The following PHF11 variants were observed in gnomAD, a reference collection of about 807,000 sequenced individuals.
PHF11 encodes PHD finger protein 11.
In PHF11, 38 loss-of-function variants were observed where a neutral mutation model predicts 40.5. That is an observed-to-expected ratio of 0.94 (90% CI 0.72 to 1.23). The LOEUF (loss-of-function observed/expected upper bound fraction) is 1.23, where lower values mean the gene tolerates loss of function less well. Among genes scored for constraint, PHF11 ranks in the 50% most tolerant of loss-of-function variants. The probability of loss-of-function intolerance (pLI) is 0.00; values close to 1 mark genes in which losing one functional copy is unlikely to be tolerated. For missense variants in PHF11, 369 were observed against 392.4 expected, an observed-to-expected ratio of 0.94 and a Z score of 0.50; for synonymous variants, 127 against 138.2, an observed-to-expected ratio of 0.92 and a Z score of 0.57.
intron 4 of PHF11, among the ~76,000 whole-genome samples, chr13:49,520,464 G>A (rs372602658): frequency 6.6e-6 from 1 of 152,090 alleles, no homozygotes; most frequent in Admixed American, 6.5e-5. Flanking sequence ...TGTTTTCATC[G>A]AAAATGACTT....
intron 6 of PHF11, among the ~76,000 whole-genome samples, chr13:49,522,799 CT>C (rs1467165806): frequency 7.4e-6 from 1 of 134,912 alleles, no homozygotes; most frequent in Non-Finnish European, 1.5e-5. Flanking sequence ...GAGTCTCTCT[CT>C]GTCACCCAGG....
Position 49,514,182 on chromosome 13 carries a change from G to A in PHF11, c.324+1016G>A, listed in dbSNP as rs560512705. 5.9e-5 allele frequency among the ~76,000 whole-genome samples: 9 copies of A among 152,304 alleles called. No individual in the cohort carries two copies. In the South Asian group the frequency reaches 1.9e-3, roughly 32 times the overall value. ...TTAGCAAGCAGGACAGCAAGTGTGA[G>A]CACCTCACATTCTGACTACAACCAC... On this transcript the variant is annotated intron_variant, in intron 3 of 9. Transcript: ENST00000378319.
chr13:49,506,727 G>A lies in PHF11; in HGVS notation c.187G>A (p.Glu63Lys). The change falls in exon 2 of 10, where the codon GAG becomes AAG. Residue 63 changes from glutamate (E) to lysine (K), a missense_variant. By Grantham distance (56) the Glu-to-Lys change is moderately conservative. Coordinates refer to ENST00000378319, the MANE Select transcript of PHF11 (RefSeq NM_001040443.3). ...TAATGTCCTATACTTTGCACAATCA[G>A]AGAATATAGCTGCTCATGAGAATTG... ...EYNVLYFAQSENIAAHENCLL... is the reference protein window; with the variant it reads ...EYNVLYFAQSKNIAAHENCLL... 1 of 1,608,800 alleles carries A rather than the reference G, an allele frequency of 6.2e-7. No homozygotes were observed. The highest frequency in any genetic ancestry group is 8.5e-7 in the Non-Finnish European group (1 of 1,175,712).
intron 6 of PHF11, 124 bp from the exon 7 acceptor site, chr13:49,523,051 C>T (rs1351331225): frequency 2.7e-6 from 2 of 740,800 alleles, no homozygotes; most frequent in South Asian, 1.5e-5. Flanking sequence ...GCGTGAGACA[C>T]CGCGCCCAGC....
chr13:49,520,691 T>C (rs963840710), intron 4 of PHF11, among the ~76,000 whole-genome samples: 1 of 152,120 alleles, frequency 6.6e-6, no homozygotes, highest in Non-Finnish European at 1.5e-5. Flanking sequence ...CCTAAGTCCC[T>C]GAGGGCATAA....
chr13:49,520,671 T>A (rs1018468176), intron 4 of PHF11, among the ~76,000 whole-genome samples: 1 of 152,084 alleles, frequency 6.6e-6, no homozygotes, highest in African/African-American at 2.4e-5. Context: ...TGAAAGAACA[T>A]AATCATCTTC....
intron 5 of PHF11, chr13:49,521,549 AC>A (rs1190317150): frequency 1.1e-6 from 1 of 913,200 alleles, no homozygotes; most frequent in African/African-American, 1.8e-5. Context: ...TTCAGTCGTT[AC>A]CCTTTTAACT....
chr13:49,517,883 G>T, intron 3 of PHF11, 135 bp from the exon 4 acceptor site: 1 of 581,180 alleles, frequency 1.7e-6, no homozygotes, highest in Non-Finnish European at 3.1e-6. Flanking sequence ...TGTTTGTAAC[G>T]GGATGGAATC....
intron 1 of PHF11, among the ~76,000 whole-genome samples, chr13:49,498,467 C>G (rs1023184975): frequency 1.3e-5 from 2 of 151,730 alleles, no homozygotes; most frequent in Non-Finnish European, 2.9e-5. Flanking sequence ...ATCATTCTGA[C>G]AGTAACCTAG....
At chr13:49,508,116 GACAA>G (rs1245877934) in intron 2 of PHF11, among the ~76,000 whole-genome samples, 8 of 147,254 alleles carry the variant, frequency 5.4e-5, no homozygotes. Flanking sequence ...TAATTAGAGA[GACAA>G]AACCTGTTAA....
chr13:49,514,907 GATT>G (rs1441566948), intron 3 of PHF11, among the ~76,000 whole-genome samples: 1 of 152,170 alleles, frequency 6.6e-6, no homozygotes, highest in Non-Finnish European at 1.5e-5. Context: ...TGGGTGAACT[GATT>G]AGAAAGTAGC....
intron 4 of PHF11, chr13:49,518,545 C>T (rs1401863122): frequency 6.6e-6 from 1 of 152,614 alleles, no homozygotes; most frequent in African/African-American, 2.4e-5. Flanking sequence ...ATTTAATAAC[C>T]ACTTGCTTTA....
At chr13:49,509,251 GC>G (rs1959051561) in intron 2 of PHF11, among the ~76,000 whole-genome samples, 1 of 147,240 alleles carries the variant, frequency 6.8e-6, no homozygotes, top group Admixed American at 6.9e-5. Flanking sequence ...TTGCTCTGTC[GC>G]CCCAGGCTGG....
chr13:49,498,633 T>G (rs1010897174), intron 1 of PHF11, among the ~76,000 whole-genome samples: 7 of 152,220 alleles, frequency 4.6e-5, no homozygotes, highest in Non-Finnish European at 8.8e-5. Context: ...TTCAGGTAGA[T>G]CATTCTGACA....
At chr13:49,519,096 A>G (rs936653648) in intron 4 of PHF11, among the ~76,000 whole-genome samples, 9 of 152,076 alleles carry the variant, frequency 5.9e-5, no homozygotes, top group Non-Finnish European at 1.0e-4. Context: ...CGGCCTCCCA[A>G]AGTGCTGGGA....
At chr13:49,501,986 C>T (rs543290317) in intron 1 of PHF11, among the ~76,000 whole-genome samples, 5 of 152,092 alleles carry the variant, frequency 3.3e-5, no homozygotes, top group South Asian at 2.1e-4. Flanking sequence ...CCACCGCGCC[C>T]GGCCAATATT....
intron 1 of PHF11, among the ~76,000 whole-genome samples, chr13:49,504,239 G>A (rs1324875140): frequency 6.6e-6 from 1 of 151,924 alleles, no homozygotes; most frequent in African/African-American, 2.4e-5. Context: ...TTGAGCCTAG[G>A]AGTTTGAGAC....
chr13:49,500,174 A>G (rs550427410), intron 1 of PHF11, among the ~76,000 whole-genome samples: 21 of 152,324 alleles, frequency 1.4e-4, no homozygotes, highest in African/African-American at 4.8e-4. Context: ...ATTTGTGAGA[A>G]TTCTAAAATT....
At chr13:49,518,982 C>T (rs543847969) in intron 4 of PHF11, 3 of 148,756 alleles carry the variant, frequency 2.0e-5, no homozygotes, top group African/African-American at 7.3e-5. Context: ...ACTACAGGCG[C>T]CCGCTACCAC....
Sources: gnomAD v4.1 joint callset for allele counts (sites outside exome capture counted in the v4.1 genomes callset) on GRCh38, gnomAD v4.1.1 for gene constraint, MANE v1.5 for transcripts, NCBI Gene and HGNC (gene_info 2026-07-23, HGNC 2026-07-21) for gene names.